The following ACAN variants were observed in gnomAD, a reference collection of about 807,000 sequenced individuals.
ACAN encodes the protein aggrecan core protein.
In ACAN, 47 loss-of-function variants were observed where a neutral mutation model predicts 169.1. The observed-to-expected ratio is 0.28, with a 90% CI of 0.22 to 0.35. ACAN has a LOEUF of 0.35. Ranked by LOEUF, ACAN falls within the 10% of genes least tolerant of loss-of-function variation. ACAN has a pLI of 1.00. For synonymous variants in ACAN, 1,115 were observed against 1,112.2 expected (o/e 1.00, Z -0.05); for missense variants, 2,716 against 2,759.9 (o/e 0.98, Z 0.36).
Position 88,841,743 on chromosome 15 carries a change from C to T in ACAN, c.633C>T (p.Tyr211=), listed in dbSNP as rs1275876003. ...CTCCATTTCGGGTTCCTGGCAGATA[C>T]CCCATCCACACTCCCCGGGAAGGCT... ...AGWLADQTVR[Y]PIHTPREGCY... is the part of the protein sequence containing the mutation. The change falls in exon 5 of 19, where the codon TAC becomes TAT. Residue 211 remains tyrosine (Y), a synonymous_variant. Transcript: ENST00000560601. 3 of 1,613,822 alleles carry T rather than the reference C, an allele frequency of 1.9e-6. No homozygotes were observed. Among genetic ancestry groups the T allele is most frequent in the South Asian group, 1.1e-5 (1 of 91,042 alleles).
rs1897415080 is a variant in ACAN, at chr15:88,872,866, C to T, written c.7303-15C>T. On this transcript the variant is annotated splice_polypyrimidine_tract_variant and intron_variant, in intron 16 of 18. Coordinates refer to ENST00000560601, the MANE Select transcript of ACAN (RefSeq NM_001369268.1). This position sits in a 1 kb window ranked among gnomAD's most constrained non-coding sequence, Gnocchi z 5.4. ...TCCTGCCCTCTCCTTACTCCTTCCC[C>T]ACTCCCACCCACAGCAATTTGAGAA... is the stretch of plus-strand genomic sequence containing the variant. 2.5e-6 allele frequency: 4 copies of T among 1,612,822 alleles called. No homozygotes were observed. The highest frequency in any genetic ancestry group is 1.7e-6 in the Non-Finnish European group (2 of 1,179,798).
chr15:88,822,593 G>A (rs1306893344), intron 1 of ACAN, among the ~76,000 whole-genome samples: 3 of 152,034 alleles, frequency 2.0e-5, no homozygotes, highest in African/African-American at 7.2e-5. Flanking sequence ...CAGCCACCAT[G>A]CCTGGCTAAT....
intron 8 of ACAN, 74 bp downstream of exon 8, chr15:88,847,491 C>G (rs546662085): frequency 7.7e-6 from 11 of 1,432,232 alleles, no homozygotes; most frequent in African/African-American, 2.9e-5. Flanking sequence ...CCTGACACCG[C>G]CCCCAGCACA....
intron 5 of ACAN, 34 bp downstream of exon 5, chr15:88,841,901 T>C (rs944521510): frequency 6.2e-7 from 1 of 1,610,636 alleles, no homozygotes. Flanking sequence ...GGCACCCAGC[T>C]CCCTTCCCAA....
Position 88,839,993 on chromosome 15 carries a change from G to C in ACAN, c.455-19G>C, listed in dbSNP as rs371038815. The C allele has an allele frequency of 3.8e-6, 6 of 1,587,708 alleles. No individual in the cohort carries two copies. Among genetic ancestry groups the C allele is most frequent in the Non-Finnish European group, 8.6e-7 (1 of 1,165,818 alleles). ...GCCTGACCAGCTCTTCCGCTTGTGG[G>C]CGTGTATGTGTCTTGCAGGCATCGT... On this transcript the variant is annotated intron_variant, in intron 3 of 18. Coordinates refer to ENST00000560601, the MANE Select transcript of ACAN (RefSeq NM_001369268.1). The surrounding 1 kb of genome is among the most constrained non-coding windows in gnomAD (Gnocchi z 4.5).
Position 88,871,514 on chromosome 15 carries a change from C to T in ACAN, c.7193C>T (p.Thr2398Ile). The stretch of plus-strand genomic sequence containing the variant: ...CAGTCACACCTGAGCAGCATCGTCA[C>T]CCCCGAGGAGCAGGAGTTTGTCAAC... ...EQQSHLSSIV[T>I]PEEQEFVNNN... Residue 2398 changes from threonine to isoleucine, a missense_variant, in exon 15 of 19, where the codon ACC becomes ATC. Physicochemically the swap from Thr to Ile is moderately conservative, Grantham distance 89. This residue lies in a region of ACAN where 1,389 missense variants were observed against 1,363.7 expected (regional missense o/e 1.02). Coordinates refer to ENST00000560601, the MANE Select transcript of ACAN (RefSeq NM_001369268.1). This position sits in a 1 kb window ranked among gnomAD's most constrained non-coding sequence, Gnocchi z 7.8. 1 of 1,613,422 alleles carries T rather than the reference C, an allele frequency of 6.2e-7. No homozygotes were observed. Among genetic ancestry groups the T allele is most frequent in the Non-Finnish European group, 8.5e-7 (1 of 1,179,712 alleles).
At chr15:88,829,126 G>A (rs1012867560) in intron 1 of ACAN, among the ~76,000 whole-genome samples, 1 of 152,160 alleles carries the variant, frequency 6.6e-6, no homozygotes, top group African/African-American at 2.4e-5. Flanking sequence ...GATTTAAGAT[G>A]CTTCAGTGAT....
rs775701947 is a variant in ACAN at position 88,871,473 on chromosome 15, C to CCGGTGT, written c.7156_7161dup (p.Cys2386_Arg2387dup). 1 of 1,613,766 alleles carries CCGGTGT rather than the reference C, an allele frequency of 6.2e-7. No homozygotes were observed. Among genetic ancestry groups the CCGGTGT allele is most frequent in the Non-Finnish European group, 8.5e-7 (1 of 1,179,862 alleles). ...GCGAGACCTGGGTGGATGCTGAGCG[C>CCGGTGT]CGGTGTCGGGAGCAGCAGTCACACC... is the stretch of plus-strand genomic sequence containing the variant. On this transcript the variant is annotated inframe_insertion, in exon 15 of 19. Transcript: ENST00000560601. This position sits in a 1 kb window ranked among gnomAD's most constrained non-coding sequence, Gnocchi z 7.8.
rs76035942 is a variant in ACAN, at chr15:88,839,153, G to T, written c.454+107G>T. The T allele has an allele frequency of 5.3e-3, 7,594 of 1,422,740 alleles. 346 individuals carry two copies. In the African/African-American group the frequency reaches 0.095, roughly 18 times the overall value. The allele number at this position is 1,422,740 out of a possible 1,614,324, so 88.1% of individuals were successfully genotyped here. A position where few individuals can be genotyped will look rare whatever the true frequency, so the allele number is the denominator to read the frequency against. On this transcript the variant is annotated intron_variant, in intron 3 of 18. Transcript: ENST00000560601. The surrounding 1 kb of genome is among the most constrained non-coding windows in gnomAD (Gnocchi z 4.5). Reference sequence around the variant, plus strand: ...CTGGCCTTCAAACCAGCTCCTCCACGCACCTCAGCCAAGTTACTTAACTTC... The same window carrying T: ...CTGGCCTTCAAACCAGCTCCTCCACTCACCTCAGCCAAGTTACTTAACTTC...
chr15:88,843,262 C>G lies in ACAN; in HGVS notation c.758-93C>G, dbSNP rs1896709299. 7.7e-7 allele frequency: 1 copy of G among 1,302,398 alleles called. No individual in the cohort carries two copies. The highest frequency in any genetic ancestry group is 2.5e-5 in the East Asian group (1 of 39,804). 80.7% of individuals were successfully genotyped at this position (1,302,398 alleles called of 1,614,324 possible). A position where few individuals can be genotyped will look rare whatever the true frequency, so the allele number is the denominator to read the frequency against. ...GGACTTTGGGAAGTTAAAGGACTCC[C>G]AAGACCTCGTGGAAAAGTGTGGATC... On this transcript the variant is annotated intron_variant, in intron 5 of 18. Coordinates refer to ENST00000560601, the MANE Select transcript of ACAN (RefSeq NM_001369268.1). This position sits in a 1 kb window ranked among gnomAD's most constrained non-coding sequence, Gnocchi z 4.0.
intron 13 of ACAN, among the ~76,000 whole-genome samples, chr15:88,863,960 C>T (rs190289267): frequency 2.0e-5 from 3 of 152,286 alleles, no homozygotes. Flanking sequence ...TCACTTGAGC[C>T]CAGGAGTTCA....
Position 88,866,511 on chromosome 15 carries a change from A to C in ACAN, c.6947-1705A>C, listed in dbSNP as rs964291639. On this transcript the variant is annotated intron_variant, in intron 13 of 18. Coordinates refer to ENST00000560601, the MANE Select transcript of ACAN (RefSeq NM_001369268.1). The surrounding 1 kb of genome is among the most constrained non-coding windows in gnomAD (Gnocchi z 5.6). ...TGCTGGGATTTCAGTCTGTTCCTCC[A>C]TGCATTTTGGGTTTGCTTGGAACAG... Among the ~76,000 whole-genome samples the C allele has an allele frequency of 6.6e-6, 1 of 152,022 alleles. No homozygotes were observed. Among genetic ancestry groups the C allele is most frequent in the South Asian group, 2.1e-4 (1 of 4,816 alleles).
chr15:88,855,350 A>G lies in ACAN; in HGVS notation c.2765A>G (p.Asp922Gly). The G allele has an allele frequency of 6.2e-7, 1 of 1,612,668 alleles. No homozygotes were observed. Among genetic ancestry groups the G allele is most frequent in the East Asian group, 2.2e-5 (1 of 44,846 alleles). Residue 922 changes from aspartate to glycine, a missense_variant, in exon 12 of 19, where the codon GAT becomes GGT. Physicochemically the swap from Asp to Gly is moderately conservative, Grantham distance 94 (BLOSUM62 -1). Coordinates refer to ENST00000560601, the MANE Select transcript of ACAN (RefSeq NM_001369268.1). ...GTGGAAAGTGGACTACCCTCAGGGG[A>G]TGAAGAGAGAATTGAGTGGCCCAGC... is the stretch of plus-strand genomic sequence containing the variant. ...LPVESGLPSG[D>G]EERIEWPSTP...
rs564099887 is a variant in ACAN at position 88,870,009 on chromosome 15, A to G, written c.7061-1373A>G. ...CCCCCTAAGTCAGCCCTAAGATGAT[A>G]TCTCTGGCCTCTTCAGAGTGCTGAG... On this transcript the variant is annotated intron_variant, in intron 14 of 18. Coordinates refer to ENST00000560601, the MANE Select transcript of ACAN (RefSeq NM_001369268.1). The surrounding 1 kb of genome is among the most constrained non-coding windows in gnomAD (Gnocchi z 6.3). Among the ~76,000 whole-genome samples the G allele has an allele frequency of 6.6e-6, 1 of 152,256 alleles. No individual in the cohort carries two copies.
Position 88,861,984 on chromosome 15 carries a change from C to G in ACAN, c.6946+1545C>G, listed in dbSNP as rs1365417591. Among the ~76,000 whole-genome samples the G allele has an allele frequency of 6.6e-6, 1 of 152,182 alleles. No individual in the cohort carries two copies. The highest frequency in any genetic ancestry group is 2.1e-4 in the South Asian group (1 of 4,820). ...GCTTGGTAACTACCCCCATTTGAGA[C>G]TGGAACTCAGAGGAGTTAAGTAATT... is the stretch of plus-strand genomic sequence containing the variant. On this transcript the variant is annotated intron_variant, in intron 13 of 18. Transcript: ENST00000560601. This position sits in a 1 kb window ranked among gnomAD's most constrained non-coding sequence, Gnocchi z 6.3.
Position 88,864,033 on chromosome 15 carries a change from T to C in ACAN, c.6946+3594T>C, listed in dbSNP as rs554542503. Among the ~76,000 whole-genome samples the C allele has an allele frequency of 3.5e-3, 531 of 152,240 alleles. 1 individual carries two copies. Among genetic ancestry groups the C allele is most frequent in the Non-Finnish European group, 4.4e-3 (296 of 68,020 alleles). On this transcript the variant is annotated intron_variant, in intron 13 of 18. Transcript: ENST00000560601. ...CAAAAAATATATGTTTTTAATTAGC[T>C]TGGTATGGTGGCACATGCCTTTAGT...
At chr15:88,809,951 A>T (rs1895777393) in intron 1 of ACAN, among the ~76,000 whole-genome samples, 1 of 152,252 alleles carries the variant, frequency 6.6e-6, no homozygotes, top group Non-Finnish European at 1.5e-5. Flanking sequence ...GTAAGGCCTA[A>T]CTAAAAGCCA....
chr15:88,862,519 T>C (rs1453442561), intron 13 of ACAN, among the ~76,000 whole-genome samples: 1 of 152,174 alleles, frequency 6.6e-6, no homozygotes, highest in Non-Finnish European at 1.5e-5. Context: ...GAGTGAGTGG[T>C]GGGGATCAGC....
chr15:88,872,959 G>C lies in ACAN; in HGVS notation c.7381G>C (p.Glu2461Gln). Residue 2461 changes from glutamate (E) to glutamine (Q), a missense_variant, in exon 17 of 19, where the codon GAG (glutamate) becomes CAG (glutamine). By Grantham distance (29) the Glu-to-Gln change is conservative. This residue lies in a region of ACAN where 1,389 missense variants were observed against 1,363.7 expected (regional missense o/e 1.02). Transcript: ENST00000560601. This position sits in a 1 kb window ranked among gnomAD's most constrained non-coding sequence, Gnocchi z 5.4. The part of the protein sequence containing the change: ...GEDCVVMIWH[E>Q]KGEWNDVPCN... ...GGACTGTGTGGTGATGATCTGGCAC[G>C]AGAAGGGCGAGTGGAATGATGTTCC... The C allele has an allele frequency of 6.2e-7, 1 of 1,613,872 alleles. No individual in the cohort carries two copies. The highest frequency in any genetic ancestry group is 8.5e-7 in the Non-Finnish European group (1 of 1,179,912).
Sources: allele counts gnomAD v4.1 joint callset (sites outside exome capture counted in the v4.1 genomes callset), GRCh38; gene constraint gnomAD v4.1.1; regional missense constraint gnomAD v4.1.1; non-coding constraint Gnocchi (gnomAD v3.1); transcripts MANE v1.5; gene names NCBI Gene and HGNC (gene_info 2026-07-23, HGNC 2026-07-21).